DPYD: variants seen among roughly 807,000 people sequenced by gnomAD.
DPYD encodes dihydropyrimidine dehydrogenase.
DPYD carries 109 observed loss-of-function variants against 116.2 expected under a neutral mutation model. The observed-to-expected ratio is 0.94, with a 90% CI of 0.80 to 1.10. DPYD has a LOEUF of 1.10. Ranked by LOEUF, DPYD falls within the 50% of genes least tolerant of loss-of-function variation. The probability of loss-of-function intolerance (pLI) is 0.00; values close to 1 mark genes in which losing one functional copy is unlikely to be tolerated. For synonymous variants in DPYD, 440 were observed against 432.0 expected (o/e 1.02, Z -0.23); for missense variants, 1,302 against 1,254.5 (o/e 1.04, Z -0.57).
intron 14 of DPYD, among the ~76,000 whole-genome samples, chr1:97,415,968 A>C (rs1375105884): frequency 6.6e-6 from 1 of 152,148 alleles, no homozygotes; most frequent in Non-Finnish European, 1.5e-5. Flanking sequence ...TGTCTTATAC[A>C]TTTATGAGTC....
intron 11 of DPYD, among the ~76,000 whole-genome samples, chr1:97,568,224 CTGA>C (rs762342943): frequency 9.9e-5 from 15 of 151,852 alleles, no homozygotes; most frequent in Non-Finnish European, 1.8e-4. Context: ...TCCAAAGTTC[CTGA>C]TGAAGTATTG....
At chr1:97,679,976 C>G (rs760101413) in intron 7 of DPYD, among the ~76,000 whole-genome samples, 12 of 152,052 alleles carry the variant, frequency 7.9e-5, no homozygotes, top group Non-Finnish European at 1.3e-4. Context: ...ATTTCAAGGA[C>G]TATTAAGCAC....
At chr1:97,723,834 C>G (rs968697325) in intron 4 of DPYD, among the ~76,000 whole-genome samples, 1 of 151,512 alleles carries the variant, frequency 6.6e-6, no homozygotes, top group African/African-American at 2.4e-5. Flanking sequence ...ACCTCATTAA[C>G]AAATACAGAA....
intron 18 of DPYD, among the ~76,000 whole-genome samples, chr1:97,243,099 T>A (rs566518953): frequency 6.6e-6 from 1 of 151,870 alleles, no homozygotes; most frequent in African/African-American, 2.4e-5. Flanking sequence ...TGATGGCTAC[T>A]TGACAGCAAG....
In DPYD at chr1:97,549,750, A is replaced by G; in HGVS notation, c.1340-6T>C. 6.2e-7 allele frequency: 1 copy of G among 1,612,362 alleles called. No individual in the cohort carries two copies. Among genetic ancestry groups the G allele is most frequent in the South Asian group, 1.1e-5 (1 of 90,962 alleles). ...AGGGCTCAAGGCTTCTTTTACTGAA[A>G]AAACAAGTGAAAAACAATAGACAAT... On this transcript the variant is annotated splice_polypyrimidine_tract_variant and splice_region_variant and intron_variant, in intron 11 of 22. Transcript: ENST00000370192.
chr1:97,373,465 A>T (rs910121556), intron 16 of DPYD, 96 bp downstream of exon 16: 1 of 1,042,782 alleles, frequency 9.6e-7, no homozygotes, highest in African/African-American at 1.6e-5. Context: ...CAGTCATCTG[A>T]TCCATGCATC....
chr1:97,535,664 A>G (rs1238742942), intron 12 of DPYD, among the ~76,000 whole-genome samples: 1 of 152,326 alleles, frequency 6.6e-6, no homozygotes, highest in Non-Finnish European at 1.5e-5. Context: ...TTTGGAACCT[A>G]TACAAAGTCA....
chr1:97,780,158 C>T (rs1407815066), intron 3 of DPYD, among the ~76,000 whole-genome samples: 1 of 151,644 alleles, frequency 6.6e-6, no homozygotes, highest in Non-Finnish European at 1.5e-5. Context: ...TTGTACTGTA[C>T]TTTTGTAATC....
intron 10 of DPYD, among the ~76,000 whole-genome samples, chr1:97,581,200 G>T (rs146353874): frequency 0.018 from 2,677 of 151,834 alleles, 35 homozygotes; most frequent in Middle Eastern, 0.034. Context: ...GGTGGCGGGC[G>T]CCTGTAGTCC....
Position 97,646,307 on chromosome 1 carries a change from T to C in DPYD, c.850+32788A>G, listed in dbSNP as rs147080028. Among the ~76,000 whole-genome samples the C allele has an allele frequency of 1.4e-3, 213 of 151,976 alleles. 1 individual carries two copies. The highest frequency in any genetic ancestry group is 1.8e-3 in the Non-Finnish European group (119 of 67,950). ...TCTCCCTATTCTTTACTTTTATCTGTATCTTCTTTTTATTTTTTTTTTCAT... is the reference window on the plus strand; with the variant it reads ...TCTCCCTATTCTTTACTTTTATCTGCATCTTCTTTTTATTTTTTTTTTCAT... On this transcript the variant is annotated intron_variant, in intron 8 of 22. Transcript: ENST00000370192.
chr1:97,861,677 G>A (rs1473350540), intron 2 of DPYD, among the ~76,000 whole-genome samples: 1 of 151,868 alleles, frequency 6.6e-6, no homozygotes, highest in Non-Finnish European at 1.5e-5. Context: ...AAACTCATTA[G>A]ATTCATCCCT....
At chr1:97,111,881 T>A (rs935199223) in intron 20 of DPYD, among the ~76,000 whole-genome samples, 6 of 152,064 alleles carry the variant, frequency 3.9e-5, no homozygotes, top group African/African-American at 1.4e-4. Context: ...TTTGACTTAG[T>A]CGTGTTTTAC....
At chr1:97,560,594 T>G (rs1426391076) in intron 11 of DPYD, among the ~76,000 whole-genome samples, 2 of 151,880 alleles carry the variant, frequency 1.3e-5, no homozygotes, top group East Asian at 1.9e-4. Flanking sequence ...TGGTCTCTCA[T>G]GTATTACATC....
intron 18 of DPYD, among the ~76,000 whole-genome samples, chr1:97,285,368 A>T (rs1295874628): frequency 6.6e-6 from 1 of 152,220 alleles, no homozygotes; most frequent in Admixed American, 6.5e-5. Flanking sequence ...GCTTGCCTTA[A>T]AGTAGGTATA....
At chr1:97,610,567 C>T (rs986252270) in intron 8 of DPYD, among the ~76,000 whole-genome samples, 11 of 151,974 alleles carry the variant, frequency 7.2e-5, no homozygotes, top group African/African-American at 2.4e-4. Flanking sequence ...CTTCCAGGTC[C>T]TCTATTGACA....
chr1:97,123,786 G>A (rs1475293012), intron 20 of DPYD, among the ~76,000 whole-genome samples: 4 of 151,814 alleles, frequency 2.6e-5, no homozygotes, highest in Non-Finnish European at 4.4e-5. Flanking sequence ...TGTTGTTGTT[G>A]TTAGCTTCAT....
intron 13 of DPYD, among the ~76,000 whole-genome samples, chr1:97,511,260 TAAATG>T (rs1279918764): frequency 1.3e-5 from 2 of 152,038 alleles, no homozygotes; most frequent in Non-Finnish European, 2.9e-5. Flanking sequence ...TTGTGAGGAT[TAAATG>T]AAATAATTTA....
intron 18 of DPYD, among the ~76,000 whole-genome samples, chr1:97,289,417 A>G (rs1408645760): frequency 1.3e-5 from 2 of 152,296 alleles, no homozygotes; most frequent in Admixed American, 6.5e-5. Flanking sequence ...TCCTTGATGA[A>G]CATTGATGCA....
intron 14 of DPYD, among the ~76,000 whole-genome samples, chr1:97,436,985 G>A (rs1570732001): frequency 6.6e-6 from 1 of 150,958 alleles, no homozygotes. Flanking sequence ...ACAGATTTAT[G>A]GAAGTATACT....
Sources: allele counts gnomAD v4.1 joint callset (sites outside exome capture counted in the v4.1 genomes callset), GRCh38; gene constraint gnomAD v4.1.1; transcripts MANE v1.5; gene names NCBI Gene and HGNC (gene_info 2026-07-23, HGNC 2026-07-21).